The following RYR3 variants were observed in gnomAD, a reference collection of about 807,000 sequenced individuals.
The protein encoded by RYR3 is brain ryanodine receptor-calcium release channel.
RYR3 carries 207 observed loss-of-function variants against 584.3 expected under a neutral mutation model. The observed-to-expected ratio is 0.35, with a 90% confidence interval of 0.32 to 0.40. The LOEUF (loss-of-function observed/expected upper bound fraction) is 0.40, where lower values mean the gene tolerates loss of function less well. Ranked by LOEUF, RYR3 falls within the 10% of genes least tolerant of loss-of-function variation. The pLI, the probability that RYR3 is intolerant of heterozygous loss-of-function variation, is 1.00. For synonymous variants in RYR3, 2,416 were observed against 2,248.5 expected (o/e 1.07, Z -2.11); for missense variants, 5,616 against 6,089.2 (o/e 0.92, Z 2.59).
At chr15:33,775,052 A>T (rs2073900381) in intron 64 of RYR3, among the ~76,000 whole-genome samples, 1 of 152,118 alleles carries the variant, frequency 6.6e-6, no homozygotes, top group Non-Finnish European at 1.5e-5. Flanking sequence ...AAAGTCAAAA[A>T]GTCAACTCTG....
chr15:33,736,767 G>A (rs1330602714), intron 49 of RYR3, among the ~76,000 whole-genome samples: 1 of 135,116 alleles, frequency 7.4e-6, no homozygotes, highest in Non-Finnish European at 1.7e-5. Flanking sequence ...TTTTTTAAAT[G>A]AGATGGAGTC....
chr15:33,535,004 C>T (rs529304176), intron 5 of RYR3, among the ~76,000 whole-genome samples: 6 of 152,306 alleles, frequency 3.9e-5, no homozygotes, highest in Admixed American at 1.3e-4. Flanking sequence ...TTGGTAGAGC[C>T]TTCACTAAAT....
At chr15:33,569,192 C>T (rs1312330667) in intron 12 of RYR3, among the ~76,000 whole-genome samples, 1 of 152,164 alleles carries the variant, frequency 6.6e-6, no homozygotes, top group Non-Finnish European at 1.5e-5. Context: ...ATATGGTTTC[C>T]ATTTCTCTTG....
At chr15:33,378,273 T>C (rs1175754804) in intron 1 of RYR3, among the ~76,000 whole-genome samples, 1 of 152,218 alleles carries the variant, frequency 6.6e-6, no homozygotes, top group Non-Finnish European at 1.5e-5. Context: ...TCCACAGATC[T>C]TGGGGACTCT....
intron 10 of RYR3, among the ~76,000 whole-genome samples, chr15:33,557,379 A>G (rs1203022854): frequency 6.6e-6 from 1 of 151,992 alleles, no homozygotes; most frequent in Non-Finnish European, 1.5e-5. Context: ...TAGTTTCTCT[A>G]TTTTTTATTT....
intron 3 of RYR3, among the ~76,000 whole-genome samples, chr15:33,529,243 G>A (rs370414778): frequency 2.0e-5 from 3 of 152,206 alleles, no homozygotes; most frequent in Non-Finnish European, 4.4e-5. Flanking sequence ...GGGAAAAAGC[G>A]CAGCCGCATT....
At chr15:33,649,275 T>G (rs763045263) in intron 31 of RYR3, 40 bp downstream of exon 31, 84 of 1,577,748 alleles carry the variant, frequency 5.3e-5, no homozygotes, top group Non-Finnish European at 6.0e-6. Flanking sequence ...CCATCGGGCT[T>G]CTCAGTCCCT....
intron 69 of RYR3, among the ~76,000 whole-genome samples, chr15:33,806,263 A>G (rs1432647937): frequency 6.6e-6 from 1 of 152,128 alleles, no homozygotes; most frequent in Non-Finnish European, 1.5e-5. Flanking sequence ...CACAAAATCA[A>G]CTGTCTAATC....
intron 23 of RYR3, among the ~76,000 whole-genome samples, chr15:33,632,492 A>G (rs564091200): frequency 1.3e-5 from 2 of 152,358 alleles, no homozygotes; most frequent in South Asian, 4.1e-4. Context: ...TCCAAAAGTA[A>G]AAGTTTAGCC....
chr15:33,552,976 G>A (rs1285460487), intron 10 of RYR3, among the ~76,000 whole-genome samples: 1 of 152,134 alleles, frequency 6.6e-6, no homozygotes, highest in Non-Finnish European at 1.5e-5. Context: ...CAATGTAAGG[G>A]CACTGAATCA....
intron 69 of RYR3, 62 bp from the exon 70 acceptor site, chr15:33,807,493 A>C: frequency 1.7e-5 from 26 of 1,513,702 alleles, no homozygotes; most frequent in Non-Finnish European, 2.1e-5. Flanking sequence ...CTTTTGCCTT[A>C]GAGCCCTGCT....
chr15:33,327,293 TCATACCTCACA>T (rs1326933295), intron 1 of RYR3, among the ~76,000 whole-genome samples: 1 of 152,192 alleles, frequency 6.6e-6, no homozygotes, highest in African/African-American at 2.4e-5. Flanking sequence ...GCAGCATCCC[TCATACCTCACA>T]CTGTTAAGTG....
In RYR3 at chr15:33,843,468, G is replaced by T; in HGVS notation, c.13210-20G>T. On this transcript the variant is annotated intron_variant, in intron 91 of 103. Coordinates refer to ENST00000634891, the MANE Select transcript of RYR3 (RefSeq NM_001036.6). ...TTCCTTCCAAAGCTCTTCTACTTCTGCCTGTCCTTTTCTTTGCAGCATTAC... is the reference window on the plus strand; with the variant it reads ...TTCCTTCCAAAGCTCTTCTACTTCTTCCTGTCCTTTTCTTTGCAGCATTAC... 2 of 1,557,452 alleles carry T rather than the reference G, an allele frequency of 1.3e-6. No homozygotes were observed. Among genetic ancestry groups the T allele is most frequent in the South Asian group, 2.3e-5 (2 of 86,500 alleles).
intron 11 of RYR3, among the ~76,000 whole-genome samples, chr15:33,563,259 T>C (rs898362020): frequency 6.6e-6 from 1 of 152,218 alleles, no homozygotes; most frequent in African/African-American, 2.4e-5. Context: ...ATGTATTTAA[T>C]GTACTCTAAA....
intron 21 of RYR3, among the ~76,000 whole-genome samples, chr15:33,629,737 G>A (rs1470588158): frequency 6.6e-6 from 1 of 152,182 alleles, no homozygotes; most frequent in Non-Finnish European, 1.5e-5. Context: ...ATAAATCCAC[G>A]GAGCACAAAC....
intron 93 of RYR3, among the ~76,000 whole-genome samples, chr15:33,847,969 G>A (rs949490448): frequency 3.3e-5 from 5 of 152,190 alleles, no homozygotes; most frequent in African/African-American, 1.2e-4. Flanking sequence ...GGAGCCTTAG[G>A]AGTCCTAACT....
chr15:33,637,939 C>T (rs2061584771), intron 27 of RYR3, among the ~76,000 whole-genome samples: 1 of 152,136 alleles, frequency 6.6e-6, no homozygotes, highest in Admixed American at 6.5e-5. Flanking sequence ...TCTCCTAATG[C>T]TATCCCTCCC....
intron 1 of RYR3, among the ~76,000 whole-genome samples, chr15:33,374,359 AGTGTATGTGTGTGTGTGTGTGTGT>A (rs1329740012): frequency 1.6e-5 from 2 of 128,552 alleles, no homozygotes; most frequent in African/African-American, 3.2e-5. Context: ...TTCCTGTACG[AGTGTATGTGTGTGTGTGTGTGTGT>A]GTGTGTGTGT....
At chr15:33,401,156 A>G (rs1481528629) in intron 1 of RYR3, among the ~76,000 whole-genome samples, 1 of 152,174 alleles carries the variant, frequency 6.6e-6, no homozygotes, top group Non-Finnish European at 1.5e-5. Context: ...CTGCTCGGCT[A>G]TTATGAGGTC....
Sources: gnomAD v4.1 joint callset for allele counts (sites outside exome capture counted in the v4.1 genomes callset) on GRCh38, gnomAD v4.1.1 for gene constraint, MANE v1.5 for transcripts, NCBI Gene and HGNC (gene_info 2026-07-23, HGNC 2026-07-21) for gene names.